EBNA1BP2: variants seen among roughly 807,000 people sequenced by gnomAD.
EBNA1BP2 encodes EBNA1 binding protein 2, also known as probable rRNA-processing protein EBP2.
EBNA1BP2 carries 36 observed loss-of-function variants against 43.5 expected under a neutral mutation model. The ratio of observed to expected loss-of-function variants is 0.83; its 90% confidence interval spans 0.63 to 1.09. The LOEUF (loss-of-function observed/expected upper bound fraction) is 1.09. Ranked by LOEUF, EBNA1BP2 falls within the 50% of genes least tolerant of loss-of-function variation. The pLI is 0.00. For synonymous variants in EBNA1BP2, 127 were observed against 141.3 expected, an observed-to-expected ratio of 0.90 and a Z score of 0.72; for missense variants, 332 against 379.1, an observed-to-expected ratio of 0.88 and a Z score of 1.03.
intron 3 of EBNA1BP2, chr1:43,171,139 C>A: frequency 2.2e-6 from 1 of 463,912 alleles, no homozygotes; most frequent in Non-Finnish European, 3.6e-6. Context: ...TTAACACAAA[C>A]GAATGTCGAT....
intron 5 of EBNA1BP2, among the ~76,000 whole-genome samples, chr1:43,168,669 T>C (rs537611479): frequency 8.5e-5 from 13 of 152,156 alleles, no homozygotes; most frequent in Non-Finnish European, 1.3e-4. Flanking sequence ...AAGGTCAGGT[T>C]TGGAAACCAC....
intron 3 of EBNA1BP2, 123 bp downstream of exon 3, chr1:43,171,356 G>T: frequency 8.1e-7 from 1 of 1,235,960 alleles, no homozygotes; most frequent in Non-Finnish European, 1.1e-6. Context: ...GCTATTCTTA[G>T]TCAAAAGAAG....
intron 3 of EBNA1BP2, 68 bp downstream of exon 3, chr1:43,171,411 A>C: frequency 6.6e-7 from 1 of 1,521,148 alleles, no homozygotes; most frequent in Non-Finnish European, 8.9e-7. Flanking sequence ...AGACTTACTA[A>C]TTTCCCCTCT....
chr1:43,172,335 C>A, upstream of EBNA1BP2: 1 of 1,551,650 alleles, frequency 6.4e-7, no homozygotes, highest in Non-Finnish European at 8.7e-7. Context: ...ACCATACTTC[C>A]GGTTTGTCGT....
At chr1:43,168,206 G>A (rs1438053165) in intron 5 of EBNA1BP2, among the ~76,000 whole-genome samples, 1 of 152,222 alleles carries the variant, frequency 6.6e-6, no homozygotes, top group Admixed American at 6.5e-5. Flanking sequence ...ATGTATCAGT[G>A]AAATGACTCC....
At chr1:43,170,731 C>A (rs1644954542) in intron 4 of EBNA1BP2, 25 bp downstream of exon 4, 1 of 1,598,630 alleles carries the variant, frequency 6.3e-7, no homozygotes, top group South Asian at 1.1e-5. Flanking sequence ...TTTTGACTTT[C>A]CAGAGGAAAA....
chr1:43,171,040 A>G (rs1644960887), intron 3 of EBNA1BP2, 161 bp from the exon 4 acceptor site: 2 of 1,063,340 alleles, frequency 1.9e-6, no homozygotes, highest in Admixed American at 6.9e-5. Context: ...TTTAGTATCT[A>G]AAAGAAATGT....
In EBNA1BP2 at chr1:43,172,254, G is replaced by C. The variant is rs753471827; in HGVS notation, c.-136C>G. 1.0e-5 allele frequency: 16 copies of C among 1,557,506 alleles called. No individual in the cohort carries two copies. Among genetic ancestry groups the C allele is most frequent in the South Asian group, 4.7e-5 (4 of 85,548 alleles). ...CCACGCCGTGGCTCCACGTGCCACC[G>C]AATCGCTCCAGCGCCAGCAACTCAC... On this transcript the variant is annotated 5_prime_UTR_variant, in exon 1 of 9. Coordinates refer to ENST00000236051, the MANE Select transcript of EBNA1BP2 (RefSeq NM_006824.3).
At chr1:43,172,423 C>T (rs1247159311), upstream of EBNA1BP2, 2 of 1,551,024 alleles carry the variant, frequency 1.3e-6, no homozygotes, top group South Asian at 2.4e-5. Flanking sequence ...TGGATACATG[C>T]GTGGTCTGCT....
Position 43,168,999 on chromosome 1 carries a change from A to T in EBNA1BP2, c.477T>A (p.Ala159=). 1 of 1,614,148 alleles carries T rather than the reference A, an allele frequency of 6.2e-7. No individual in the cohort carries two copies. Among genetic ancestry groups the T allele is most frequent in the Non-Finnish European group, 8.5e-7 (1 of 1,180,022 alleles). ...KIRQKLQTKQ[A]AMERSEKAKQ... ...TAGCTTTTTCAGACCTCTCCATGGC[A>T]GCCTGTTTAGTCTGCAGCTTCTGTC... is the stretch of plus-strand genomic sequence containing the variant. The change falls in exon 5 of 9, where the codon GCT becomes GCA. Residue 159 remains alanine (A), a synonymous_variant. Coordinates refer to ENST00000236051, the MANE Select transcript of EBNA1BP2 (RefSeq NM_006824.3).
rs1644903146 is a variant in EBNA1BP2, at chr1:43,164,288, CTATT to C, written c.*151_*154del. Reference sequence around the variant, plus strand: ...TAACTTCTCAATCTTTTAGTCTAGACTATTTAACCAAAGGTATGTGTTCCTTTAA... The same window carrying C: ...TAACTTCTCAATCTTTTAGTCTAGACTAACCAAAGGTATGTGTTCCTTTAA... On this transcript the variant is annotated 3_prime_UTR_variant, in exon 9 of 9. Coordinates refer to ENST00000236051, the MANE Select transcript of EBNA1BP2 (RefSeq NM_006824.3). 4 of 811,084 alleles carry C rather than the reference CTATT, an allele frequency of 4.9e-6. No homozygotes were observed. In the African/African-American group the frequency reaches 6.9e-5, roughly 14 times the overall value. The allele number at this position is 811,084 out of a possible 1,614,324, so 50.2% of individuals were successfully genotyped here.
chr1:43,171,463 T>A lies in EBNA1BP2; in HGVS notation c.323+16A>T. ...CAAGGATCCTCAACTTCTCCAACAT[T>A]TGAAAACAAACATACAAACTCATCT... is the stretch of plus-strand genomic sequence containing the variant. On this transcript the variant is annotated intron_variant, in intron 3 of 8. Coordinates refer to ENST00000236051, the MANE Select transcript of EBNA1BP2 (RefSeq NM_006824.3). 6.3e-7 allele frequency: 1 copy of A among 1,594,202 alleles called. No individual in the cohort carries two copies. The highest frequency in any genetic ancestry group is 8.5e-7 in the Non-Finnish European group (1 of 1,170,372).
chr1:43,172,112 T>G lies in EBNA1BP2; in HGVS notation c.7A>C (p.Thr3Pro). The change falls in exon 1 of 9, where the codon ACT becomes CCT. Residue 3 changes from threonine to proline, a missense_variant. By Grantham distance (38) the Thr-to-Pro change is conservative (BLOSUM62 -1). Coordinates refer to ENST00000236051, the MANE Select transcript of EBNA1BP2 (RefSeq NM_006824.3). MDTPPLSDSESES... is the reference protein window; with the variant it reads MDPPPLSDSESES... ...GACTCCGAATCCGAGAGCGGGGGAGTGTCCATCTCGCCGCACGCACGTCCC... is the reference window on the plus strand; with the variant it reads ...GACTCCGAATCCGAGAGCGGGGGAGGGTCCATCTCGCCGCACGCACGTCCC... The G allele has an allele frequency of 1.9e-6, 3 of 1,613,042 alleles. No individual in the cohort carries two copies. The highest frequency in any genetic ancestry group is 2.5e-6 in the Non-Finnish European group (3 of 1,179,830).
At chr1:43,172,544 T>TGGCGC (rs1645004699), upstream of EBNA1BP2, 1 of 759,586 alleles carries the variant, frequency 1.3e-6, no homozygotes, top group Non-Finnish European at 1.7e-6. Context: ...GGGGGTGGGG[T>TGGCGC]GGCGCGGAGG....
chr1:43,164,591 G>A (rs1298594620), intron 8 of EBNA1BP2, 52 bp downstream of exon 8: 1 of 1,613,762 alleles, frequency 6.2e-7, no homozygotes, highest in Non-Finnish European at 8.5e-7. Context: ...AGGGTTGGGA[G>A]TGGGAGGGGA....
chr1:43,165,426 G>A (rs1016383814), intron 7 of EBNA1BP2, among the ~76,000 whole-genome samples: 3 of 152,258 alleles, frequency 2.0e-5, no homozygotes, highest in African/African-American at 4.8e-5. Flanking sequence ...GGCTAAACAT[G>A]TGGGAGTCAG....
chr1:43,169,477 T>C (rs992366303), intron 4 of EBNA1BP2, among the ~76,000 whole-genome samples: 6 of 152,148 alleles, frequency 3.9e-5, no homozygotes, highest in African/African-American at 9.7e-5. Flanking sequence ...CAGTGAGAAT[T>C]TGTACAGAGT....
At chr1:43,172,351 T>C (rs1010091192), upstream of EBNA1BP2, 20 of 1,551,426 alleles carry the variant, frequency 1.3e-5, no homozygotes, top group Non-Finnish European at 1.7e-5. Context: ...GTCGTTGCTA[T>C]AGGAACCGCT....
At chr1:43,169,099 C>T in intron 4 of EBNA1BP2, 71 bp from the exon 5 acceptor site, 1 of 1,487,272 alleles carries the variant, frequency 6.7e-7, no homozygotes, top group Non-Finnish European at 9.3e-7. Context: ...TTCGCTAGAG[C>T]AGGGAACAGA....
Sources: allele counts gnomAD v4.1 joint callset (sites outside exome capture counted in the v4.1 genomes callset), GRCh38; gene constraint gnomAD v4.1.1; transcripts MANE v1.5; gene names NCBI Gene and HGNC (gene_info 2026-07-23, HGNC 2026-07-21).